NIBAN3: variants seen among roughly 807,000 people sequenced by gnomAD.
NIBAN3 encodes the protein protein Niban 3.
NIBAN3 carries 66 observed loss-of-function variants against 76.4 expected under a neutral mutation model. The ratio of observed to expected loss-of-function variants is 0.86; its 90% CI spans 0.71 to 1.06. The LOEUF (loss-of-function observed/expected upper bound fraction) is 1.06, where lower values mean the gene tolerates loss of function less well. Ranked by LOEUF, NIBAN3 falls within the 50% of genes least tolerant of loss-of-function variation. The pLI is 0.00. For synonymous variants in NIBAN3, 360 were observed against 355.2 expected (o/e 1.01, Z -0.15); for missense variants, 808 against 810.7 (o/e 1.00, Z 0.04).
chr19:17,533,526 T>C (rs962490814), intron 3 of NIBAN3, 61 bp from the exon 4 acceptor site: 3 of 1,155,518 alleles, frequency 2.6e-6, no homozygotes, highest in Non-Finnish European at 3.9e-6. Flanking sequence ...ATGGTATAGT[T>C]GGGACACAGA....
At chr19:17,523,394 G>A (rs111557825), upstream of NIBAN3, 325 of 1,535,940 alleles carry the variant, frequency 2.1e-4, 1 homozygote, top group African/African-American at 3.4e-3. Context: ...TTGCTTCAAC[G>A]TCTTGTCCCG....
chr19:17,532,511 C>T, intron 3 of NIBAN3, 123 bp downstream of exon 3: 2 of 1,472,662 alleles, frequency 1.4e-6, no homozygotes, highest in African/African-American at 1.4e-5. Context: ...CAGGATGAAT[C>T]TTGTGCCCCT....
At chr19:17,538,897 G>A (rs1006998359) in intron 5 of NIBAN3, among the ~76,000 whole-genome samples, 1 of 152,256 alleles carries the variant, frequency 6.6e-6, no homozygotes, top group Non-Finnish European at 1.5e-5. Flanking sequence ...GGAACAGCTA[G>A]TGGCTGCAGT....
chr19:17,532,221 A>G (rs773529114), intron 2 of NIBAN3, 42 bp from the exon 3 acceptor site: 1 of 1,573,494 alleles, frequency 6.4e-7, no homozygotes, highest in Non-Finnish European at 8.6e-7. Flanking sequence ...CAGGGACATC[A>G]GCCCACAGCC....
chr19:17,528,284 G>A (rs867865229), intron 1 of NIBAN3, among the ~76,000 whole-genome samples: 2 of 151,878 alleles, frequency 1.3e-5, no homozygotes, highest in African/African-American at 4.8e-5. Flanking sequence ...TAGAGATGGG[G>A]TTTCACCATT....
intron 7 of NIBAN3, 62 bp from the exon 8 acceptor site, chr19:17,539,541 C>A: frequency 6.8e-7 from 1 of 1,468,296 alleles, no homozygotes; most frequent in Non-Finnish European, 9.1e-7. Context: ...CTCTCCCGAT[C>A]TCTCTGACCC....
intron 12 of NIBAN3, 193 bp downstream of exon 12, chr19:17,543,824 C>G: frequency 2.3e-6 from 1 of 431,698 alleles, no homozygotes; most frequent in Non-Finnish European, 4.2e-6. Flanking sequence ...AACCCTGTCT[C>G]TACTAAAAAT....
In NIBAN3 at chr19:17,553,230, G is replaced by T; in HGVS notation, c.*1332G>T. ...ATCTAATAACTCTTTATATCTGAAG[G>T]ATATGAACGCTTTGTGATACAGGTT... On this transcript the variant is annotated 3_prime_UTR_variant, in exon 15 of 15. Coordinates refer to ENST00000599164, the MANE Select transcript of NIBAN3 (RefSeq NM_001321827.2). 6.4e-7 allele frequency: 1 copy of T among 1,552,106 alleles called. No individual in the cohort carries two copies. The highest frequency in any genetic ancestry group is 8.7e-7 in the Non-Finnish European group (1 of 1,151,768).
chr19:17,543,261 G>T (rs982515773), intron 10 of NIBAN3, 56 bp from the exon 11 acceptor site: 2 of 1,247,402 alleles, frequency 1.6e-6, no homozygotes, highest in African/African-American at 3.0e-5. Flanking sequence ...GGCAGGAGTG[G>T]GGCCCGGGAG....
Position 17,527,285 on chromosome 19 carries a change from G to T in NIBAN3, c.-56G>T. ...GCCATCCAGGTGCCCCTGAGCCGAG[G>T]AACGCAGGCGGTGGTCGTGGGGAAG... is the stretch of plus-strand genomic sequence containing the variant. On this transcript the variant is annotated 5_prime_UTR_variant, in exon 1 of 15. Transcript: ENST00000599164. 1 of 1,550,704 alleles carries T rather than the reference G, an allele frequency of 6.4e-7. No homozygotes were observed. The highest frequency in any genetic ancestry group is 8.7e-7 in the Non-Finnish European group (1 of 1,146,850).
downstream of NIBAN3, among the ~76,000 whole-genome samples, chr19:17,554,164 G>A (rs529832977): frequency 6.2e-4 from 94 of 152,236 alleles, no homozygotes; most frequent in Admixed American, 1.4e-3. Context: ...GTGAGCCACT[G>A]CACCTGGCCT....
At chr19:17,540,613 C>A (rs982661985) in intron 9 of NIBAN3, 31 bp downstream of exon 9, 2 of 1,388,408 alleles carry the variant, frequency 1.4e-6, no homozygotes, top group East Asian at 2.8e-5. Flanking sequence ...GTTCAGTGAG[C>A]CAGAGGGTGA....
upstream of NIBAN3, among the ~76,000 whole-genome samples, chr19:17,526,471 C>T (rs1241766672): frequency 6.6e-6 from 1 of 151,620 alleles, no homozygotes; most frequent in African/African-American, 2.4e-5. Context: ...AGGAAGACCC[C>T]CCGTGTCTAC....
Position 17,539,411 on chromosome 19 carries a change from T to C in NIBAN3, c.776T>C (p.Leu259Pro), listed in dbSNP as rs181869656. Residue 259 changes from leucine to proline, a missense_variant, in exon 7 of 15, where the codon CTG (leucine) becomes CCG (proline). Physicochemically the swap from Leu to Pro is moderately conservative, Grantham distance 98. Coordinates refer to ENST00000599164, the MANE Select transcript of NIBAN3 (RefSeq NM_001321827.2). ...PALRAQTLPG[L>P]RGAGRARAWA... ...CTGCGAGCCCAGACCCTTCCTGGCCTGCGGGGGGCAGGCCGCGCCCGCGCC... is the reference window on the plus strand; with the variant it reads ...CTGCGAGCCCAGACCCTTCCTGGCCCGCGGGGGGCAGGCCGCGCCCGCGCC... 3.0e-4 allele frequency: 465 copies of C among 1,524,854 alleles called. 1 individual carries two copies. The African/African-American group carries it at 6.0e-3, about 20-fold the overall frequency. 94.5% of individuals were successfully genotyped at this position (1,524,854 alleles called of 1,614,324 possible). A position where few individuals can be genotyped will look rare whatever the true frequency, so the allele number is the denominator to read the frequency against.
intron 12 of NIBAN3, chr19:17,545,912 C>T: frequency 2.3e-6 from 1 of 430,706 alleles, no homozygotes; most frequent in Non-Finnish European, 4.7e-6. Context: ...CTCTAAACTC[C>T]CCCGGAGAAA....
At position 17,553,140 on chromosome 19, in the gene NIBAN3, TCAGTGAA is replaced by T; in HGVS notation, c.*1243_*1249del. The T allele has an allele frequency of 2.1e-6, 2 of 958,656 alleles. No individual in the cohort carries two copies. The highest frequency in any genetic ancestry group is 1.7e-5 in the African/African-American group (1 of 60,548). 59.4% of individuals were successfully genotyped at this position (958,656 alleles called of 1,614,324 possible). A position where few individuals can be genotyped will look rare whatever the true frequency, so the allele number is the denominator to read the frequency against. On this transcript the variant is annotated 3_prime_UTR_variant, in exon 15 of 15. Coordinates refer to ENST00000599164, the MANE Select transcript of NIBAN3 (RefSeq NM_001321827.2). ...GTTTGTAGTTTTTTTTTTTTTAATT[TCAGTGAA>T]TTGCCTGTTCATAGCTTTTTTCTAC...
At chr19:17,537,007 G>C (rs1361679499) in intron 4 of NIBAN3, among the ~76,000 whole-genome samples, 2 of 152,154 alleles carry the variant, frequency 1.3e-5, no homozygotes, top group Non-Finnish European at 2.9e-5. Flanking sequence ...AAGTGGTTTG[G>C]TCAGGTTGGA....
chr19:17,548,976 G>T (rs1261221274), intron 13 of NIBAN3, among the ~76,000 whole-genome samples: 1 of 151,840 alleles, frequency 6.6e-6, no homozygotes, highest in Non-Finnish European at 1.5e-5. Context: ...AGAGAGTTGG[G>T]AGACACCCCC....
In NIBAN3 at chr19:17,530,803, A is replaced by G. The variant is rs760918659; in HGVS notation, c.104A>G (p.Gln35Arg). ...LRNFLPCYRGQLAASVLRQIS... is the reference protein window; with the variant it reads ...LRNFLPCYRGRLAASVLRQIS... ...AACTTCCTGCCTTGCTACCGTGGGC[A>G]GCTGGCAGCGTCTGTCCTGCGGCAG... Residue 35 changes from glutamine to arginine, a missense_variant, in exon 2 of 15, where the codon CAG (glutamine) becomes CGG (arginine). Physicochemically the swap from Gln to Arg is conservative, Grantham distance 43. Coordinates refer to ENST00000599164, the MANE Select transcript of NIBAN3 (RefSeq NM_001321827.2). 6.2e-7 allele frequency: 1 copy of G among 1,613,302 alleles called. No individual in the cohort carries two copies. The highest frequency in any genetic ancestry group is 1.3e-5 in the African/African-American group (1 of 74,894).
Sources: allele counts gnomAD v4.1 joint callset (sites outside exome capture counted in the v4.1 genomes callset), GRCh38; gene constraint gnomAD v4.1.1; transcripts MANE v1.5; gene names NCBI Gene and HGNC (gene_info 2026-07-23, HGNC 2026-07-21).